CCSER2: variants seen among roughly 807,000 people sequenced by gnomAD.
The protein encoded by CCSER2 is coiled-coil serine rich protein 2.
A neutral mutation model predicts 92.3 loss-of-function variants in CCSER2; 46 were observed. The ratio of observed to expected loss-of-function variants is 0.50; its 90% CI spans 0.39 to 0.64. CCSER2 has a LOEUF of 0.64. Among genes scored for constraint, CCSER2 ranks in the 30% least tolerant of loss-of-function variants. The pLI, the probability that CCSER2 is intolerant of heterozygous loss-of-function variation, is 0.00. For missense variants in CCSER2, 1,244 were observed against 1,238.9 expected (o/e 1.00, Z -0.06); for synonymous variants, 433 against 431.4 (o/e 1.00, Z -0.04).
intron 9 of CCSER2, among the ~76,000 whole-genome samples, chr10:84,494,065 A>G (rs1168175712): frequency 1.3e-5 from 2 of 152,206 alleles, no homozygotes; most frequent in Non-Finnish European, 2.9e-5. Context: ...GGCAGAGTTC[A>G]GGTGATAATG....
intron 3 of CCSER2, among the ~76,000 whole-genome samples, chr10:84,411,374 C>G (rs893919871): frequency 6.6e-6 from 1 of 152,084 alleles, no homozygotes; most frequent in African/African-American, 2.4e-5. Flanking sequence ...AACATTGAAT[C>G]TATAAATTCG....
intron 3 of CCSER2, chr10:84,391,260 A>G: frequency 1.4e-6 from 2 of 1,424,740 alleles, no homozygotes; most frequent in South Asian, 2.3e-5. Context: ...AACAATGCTC[A>G]ACCAGATCAA....
At chr10:84,374,212 A>G (rs1199759036) in intron 3 of CCSER2, among the ~76,000 whole-genome samples, 2 of 152,122 alleles carry the variant, frequency 1.3e-5, no homozygotes, top group Non-Finnish European at 2.9e-5. Context: ...CACAGTCCAC[A>G]AGACAGAGAC....
chr10:84,481,416 G>A (rs1277755926), intron 9 of CCSER2, among the ~76,000 whole-genome samples: 1 of 151,170 alleles, frequency 6.6e-6, no homozygotes, highest in Non-Finnish European at 1.5e-5. Flanking sequence ...TATATATATT[G>A]ATCCTCAGAA....
At chr10:84,507,798 T>A (rs11201078) in intron 9 of CCSER2, among the ~76,000 whole-genome samples, 5,754 of 152,262 alleles carry the variant, frequency 0.038, 139 homozygotes, top group Admixed American at 0.066. Flanking sequence ...TTTGCCTTTT[T>A]TCATGTTCAT....
chr10:84,483,953 T>TTTTATA (rs1426923651), intron 9 of CCSER2, among the ~76,000 whole-genome samples: 16 of 48,052 alleles, frequency 3.3e-4, no homozygotes, highest in South Asian at 1.7e-3. Context: ...CCCGGCTAAT[T>TTTTATA]TATATATATA....
At chr10:84,451,247 TG>T (rs1845267407) in intron 6 of CCSER2, among the ~76,000 whole-genome samples, 1 of 150,232 alleles carries the variant, frequency 6.7e-6, no homozygotes, top group Admixed American at 6.7e-5. Flanking sequence ...TTTTTTTGGT[TG>T]GTTGGGTTTT....
chr10:84,381,369 C>T (rs1177211606), intron 3 of CCSER2, among the ~76,000 whole-genome samples: 2 of 152,120 alleles, frequency 1.3e-5, no homozygotes, highest in South Asian at 2.1e-4. Flanking sequence ...GAGTTAATGT[C>T]GCAGGTCTAA....
intron 3 of CCSER2, among the ~76,000 whole-genome samples, chr10:84,404,897 A>G (rs538153234): frequency 7.9e-4 from 121 of 152,314 alleles, no homozygotes; most frequent in Non-Finnish European, 1.5e-3. Flanking sequence ...ATCTAAATAA[A>G]AATATGACCT....
chr10:84,428,985 G>GTATATATATATATATATATATATATATA (rs60243946), intron 5 of CCSER2, among the ~76,000 whole-genome samples: 1 of 140,846 alleles, frequency 7.1e-6, no homozygotes, highest in Non-Finnish European at 1.5e-5. Flanking sequence ...GTGTGTATGT[G>GTATATATATATATATATATATATATATA]TATATATATA....
intron 4 of CCSER2, among the ~76,000 whole-genome samples, chr10:84,419,363 A>T (rs910095166): frequency 3.1e-4 from 47 of 151,272 alleles, no homozygotes; most frequent in Non-Finnish European, 6.3e-4. Flanking sequence ...CTCAAAAAAA[A>T]AAAAATAAAA....
At position 84,513,993 on chromosome 10, in the gene CCSER2, A is replaced by C. The variant is rs1242836325; in HGVS notation, c.2870A>C (p.Asn957Thr). ...CKKSPIITTC[N>T]SAKLQPTSSQ... Reference sequence around the variant, plus strand: ...AAGTCACCAATAATCACAACATGTAATTCAGCAAAACTTCAGCCAACATCT... The same window carrying C: ...AAGTCACCAATAATCACAACATGTACTTCAGCAAAACTTCAGCCAACATCT... Residue 957 changes from asparagine to threonine, a missense_variant, in exon 10 of 10, where the codon AAT becomes ACT. Coordinates refer to ENST00000372088, the MANE Select transcript of CCSER2 (RefSeq NM_001284240.2). 2 of 1,536,710 alleles carry C rather than the reference A, an allele frequency of 1.3e-6. No homozygotes were observed. The highest frequency in any genetic ancestry group is 4.9e-5 in the East Asian group (2 of 40,914).
chr10:84,373,613 T>G lies in CCSER2; in HGVS notation c.1418-6T>G, dbSNP rs2133179688. ...TTGTGAATCAGTAACCTTTTTTCTC[T>G]TGAAGACAGGAGTGAATGTACAAAA... On this transcript the variant is annotated splice_region_variant and splice_polypyrimidine_tract_variant and intron_variant, in intron 2 of 9. Transcript: ENST00000372088. 1 of 1,598,618 alleles carries G rather than the reference T, an allele frequency of 6.3e-7. No homozygotes were observed. The highest frequency in any genetic ancestry group is 8.6e-7 in the Non-Finnish European group (1 of 1,167,966).
chr10:84,336,422 T>G (rs1037833338), intron 1 of CCSER2, among the ~76,000 whole-genome samples: 69 of 152,162 alleles, frequency 4.5e-4, no homozygotes, highest in Non-Finnish European at 1.6e-4. Context: ...AAAGAACATG[T>G]GAGGGTGATG....
At chr10:84,380,279 T>A (rs973739502) in intron 3 of CCSER2, among the ~76,000 whole-genome samples, 14 of 152,236 alleles carry the variant, frequency 9.2e-5, no homozygotes, top group Non-Finnish European at 1.9e-4. Flanking sequence ...CAGTTTTGTT[T>A]CCTTTTATGT....
rs565604003 is a variant in CCSER2, at chr10:84,347,580, C to T, written c.-40+18772C>T. ...CCTCCCACCTCCCTCGCGGACGGGG[C>T]GGCTGGCCTGGCGGGGGCTGACCCT... On this transcript the variant is annotated intron_variant, in intron 1 of 9. Transcript: ENST00000372088. Among the ~76,000 whole-genome samples the T allele has an allele frequency of 9.3e-5, 14 of 150,480 alleles. 1 individual carries two copies. In the South Asian group the frequency reaches 2.8e-3, roughly 30 times the overall value.
chr10:84,342,874 CTCTT>C (rs1225477502), intron 1 of CCSER2, among the ~76,000 whole-genome samples: 1 of 152,104 alleles, frequency 6.6e-6, no homozygotes, highest in African/African-American at 2.4e-5. Context: ...TCTCCTGTTT[CTCTT>C]TCTCTTTCTT....
intron 7 of CCSER2, 117 bp downstream of exon 7, chr10:84,464,133 CT>C: frequency 1.8e-6 from 1 of 560,068 alleles, no homozygotes; most frequent in Non-Finnish European, 3.1e-6. Flanking sequence ...CAGGTTTGTT[CT>C]TAACTTTTGC....
rs1326622326 is a variant in CCSER2, at chr10:84,516,360, A to G, written c.*2093A>G. On this transcript the variant is annotated 3_prime_UTR_variant, in exon 10 of 10. Coordinates refer to ENST00000372088, the MANE Select transcript of CCSER2 (RefSeq NM_001284240.2). ...TTCTTCACATAGTCCAGATACTGTTAGAGTCAGGCAAATCAGCAAAGCACT... is the reference window on the plus strand; with the variant it reads ...TTCTTCACATAGTCCAGATACTGTTGGAGTCAGGCAAATCAGCAAAGCACT... 1 of 152,222 alleles carries G rather than the reference A, an allele frequency of 6.6e-6. No individual in the cohort carries two copies. Among genetic ancestry groups the G allele is most frequent in the Admixed American group, 6.5e-5 (1 of 15,286 alleles). 9.4% of individuals were successfully genotyped at this position (152,222 alleles called of 1,614,324 possible).
Sources: allele counts gnomAD v4.1 joint callset (sites outside exome capture counted in the v4.1 genomes callset), GRCh38; gene constraint gnomAD v4.1.1; transcripts MANE v1.5; gene names NCBI Gene and HGNC (gene_info 2026-07-23, HGNC 2026-07-21).